The following PLK2 variants were observed in gnomAD, a reference collection of about 807,000 sequenced individuals.
PLK2 encodes polo like kinase 2, also known as serine/threonine-protein kinase PLK2.
In PLK2, 25 loss-of-function variants were observed where a neutral mutation model predicts 78.1. That is an observed-to-expected ratio of 0.32 (90% CI 0.23 to 0.45). The LOEUF is 0.45. PLK2 is among the 20% of genes least tolerant of loss of function. The pLI is 1.00. For synonymous variants in PLK2, 332 were observed against 298.2 expected (o/e 1.11, Z -1.17); for missense variants, 566 against 840.2 (o/e 0.67, Z 4.04).
Position 58,460,059 on chromosome 5 carries a change from A to T in PLK2, c.-100T>A. The stretch of plus-strand genomic sequence containing the variant: ...CGCACCCTTGCCTCTGGTGCCGACT[A>T]GCACCCAACACCCCGGTCCACTTGT... On this transcript the variant is annotated 5_prime_UTR_variant, in exon 1 of 14. Transcript: ENST00000274289. 7.4e-7 allele frequency: 1 copy of T among 1,347,112 alleles called. No individual in the cohort carries two copies. The highest frequency in any genetic ancestry group is 1.0e-6 in the Non-Finnish European group (1 of 994,152). The allele number at this position is 1,347,112 out of a possible 1,614,324, so 83.4% of individuals were successfully genotyped here.
rs1215545695 is a variant in PLK2 at position 58,455,243 on chromosome 5, C to G, written c.1755+42G>C. ...TGATGCAGACACTACTGCTTTGTGG[C>G]CTACACTTCAAATGTCACCACTCTA... On this transcript the variant is annotated intron_variant, in intron 12 of 13. Coordinates refer to ENST00000274289, the MANE Select transcript of PLK2 (RefSeq NM_006622.4). 3.7e-6 allele frequency: 6 copies of G among 1,606,784 alleles called. No homozygotes were observed. The Admixed American group carries it at 8.4e-5, about 22-fold the overall frequency.
chr5:58,456,384 A>C (rs771204708), intron 9 of PLK2, 108 bp downstream of exon 9: 6 of 850,816 alleles, frequency 7.1e-6, no homozygotes, highest in Non-Finnish European at 1.1e-5. Context: ...AAAAACTTTA[A>C]GTAAATATGA....
Position 58,454,985 on chromosome 5 carries a change from G to A in PLK2, c.1792C>T (p.Pro598Ser). The A allele has an allele frequency of 1.2e-6, 2 of 1,612,420 alleles. No homozygotes were observed. The highest frequency in any genetic ancestry group is 1.7e-6 in the Non-Finnish European group (2 of 1,178,470). The part of the protein sequence containing the change: ...DLPSVTDIRR[P>S]RLYLLQWLKS... ...AGCCACTGAAGGAGGTAGAGCCGAG[G>A]TCTTCGAATATCAGTAACACTAGGC... is the stretch of plus-strand genomic sequence containing the variant. The change falls in exon 13 of 14, where the codon CCT becomes TCT. Residue 598 changes from proline (P) to serine (S), a missense_variant. Pro to Ser is a moderately conservative substitution (Grantham distance 74). Around this residue, in one of 5 missense-constraint regions of PLK2, gnomAD observed 130 missense variants for 196.4 expected, o/e 0.66. Transcript: ENST00000274289.
chr5:58,460,062 A>G lies in PLK2; in HGVS notation c.-103T>C. Reference sequence around the variant, plus strand: ...ACCCTTGCCTCTGGTGCCGACTAGCACCCAACACCCCGGTCCACTTGTGCG... The same window carrying G: ...ACCCTTGCCTCTGGTGCCGACTAGCGCCCAACACCCCGGTCCACTTGTGCG... On this transcript the variant is annotated 5_prime_UTR_variant, in exon 1 of 14. Transcript: ENST00000274289. The G allele has an allele frequency of 3.0e-6, 4 of 1,330,996 alleles. No homozygotes were observed. Among genetic ancestry groups the G allele is most frequent in the Non-Finnish European group, 4.1e-6 (4 of 981,688 alleles). The allele number at this position is 1,330,996 out of a possible 1,614,324, so 82.4% of individuals were successfully genotyped here.
Position 58,459,022 on chromosome 5 carries a change from G to T in PLK2, c.341C>A (p.Pro114His). The T allele has an allele frequency of 6.2e-7, 1 of 1,610,428 alleles. No homozygotes were observed. Among genetic ancestry groups the T allele is most frequent in the Non-Finnish European group, 8.5e-7 (1 of 1,176,718 alleles). The change falls in exon 2 of 14, where the codon CCT (proline) becomes CAT (histidine). Residue 114 changes from proline to histidine, a missense_variant. Around this residue, in one of 5 missense-constraint regions of PLK2, gnomAD observed 179 missense variants for 342.3 expected, o/e 0.52. Coordinates refer to ENST00000274289, the MANE Select transcript of PLK2 (RefSeq NM_006622.4). Reference protein sequence around the residue: ...NNKVYAAKIIPHSRVAKPHQR... With the variant: ...NNKVYAAKIIHHSRVAKPHQR... Reference sequence around the variant, plus strand: ...ATGAGGTTTAGCTACTCTGCTGTGAGGAATAATTTTTGCGGCGTAGACTTT... The same window carrying T: ...ATGAGGTTTAGCTACTCTGCTGTGATGAATAATTTTTGCGGCGTAGACTTT...
Position 58,458,452 on chromosome 5 carries a change from G to A in PLK2, c.572C>T (p.Ser191Phe), listed in dbSNP as rs1466017282. 6.2e-7 allele frequency: 1 copy of A among 1,613,224 alleles called. No individual in the cohort carries two copies. The highest frequency in any genetic ancestry group is 1.7e-5 in the Admixed American group (1 of 60,024). The change falls in exon 4 of 14, where the codon TCT becomes TTT. Residue 191 changes from serine to phenylalanine, a missense_variant. Around this residue, in one of 5 missense-constraint regions of PLK2, gnomAD observed 179 missense variants for 342.3 expected, o/e 0.52. Coordinates refer to ENST00000274289, the MANE Select transcript of PLK2 (RefSeq NM_006622.4). Reference sequence around the variant, plus strand: ...TTGTTCATGAAGGTATTTCAGTCCAGACACAATCTGCCTGAGGTAGTATCG... The same window carrying A: ...TTGTTCATGAAGGTATTTCAGTCCAAACACAATCTGCCTGAGGTAGTATCG... Reference protein sequence around the residue: ...EVRYYLRQIVSGLKYLHEQEI... With the variant: ...EVRYYLRQIVFGLKYLHEQEI...
In PLK2 at chr5:58,454,720, A is replaced by G. The variant is rs745583854; in HGVS notation, c.1921T>C (p.Tyr641His). Residue 641 changes from tyrosine to histidine, a missense_variant, in exon 14 of 14, where the codon TAC becomes CAC. Coordinates refer to ENST00000274289, the MANE Select transcript of PLK2 (RefSeq NM_006622.4). ...KIIICSQNEEYLLTYINEDRI... is the reference protein window; with the variant it reads ...KIIICSQNEEHLLTYINEDRI... ...TCCTCATTGATGTAGGTGAGAAGGTATTCTTCATTTTGGCTACAGATGATG... is the reference window on the plus strand; with the variant it reads ...TCCTCATTGATGTAGGTGAGAAGGTGTTCTTCATTTTGGCTACAGATGATG... 7.4e-6 allele frequency: 12 copies of G among 1,613,112 alleles called. No homozygotes were observed. The East Asian group carries it at 2.7e-4, about 36-fold the overall frequency.
Position 58,456,127 on chromosome 5 carries a change from G to C in PLK2, c.1283C>G (p.Ala428Gly), listed in dbSNP as rs1307100732. ...EELQPPTTTVARSGTPAVENK... is the reference protein window; with the variant it reads ...EELQPPTTTVGRSGTPAVENK... ...TTCTACTGCGGGTGTTCCAGACCTG[G>C]CAACTGTGGTGGTAGGTGGCTGGAG... Residue 428 changes from alanine to glycine, a missense_variant, in exon 10 of 14, where the codon GCC (alanine) becomes GGC (glycine). Physicochemically the swap from Ala to Gly is moderately conservative, Grantham distance 60 (BLOSUM62 0). Around this residue, in one of 5 missense-constraint regions of PLK2, gnomAD observed 129 missense variants for 156.0 expected, o/e 0.83. Coordinates refer to ENST00000274289, the MANE Select transcript of PLK2 (RefSeq NM_006622.4). 1.2e-6 allele frequency: 2 copies of C among 1,613,666 alleles called. No individual in the cohort carries two copies. The highest frequency in any genetic ancestry group is 1.7e-6 in the Non-Finnish European group (2 of 1,179,844).
intron 1 of PLK2, 47 bp downstream of exon 1, chr5:58,459,643 G>A (rs1488571872): frequency 1.3e-6 from 2 of 1,494,328 alleles, no homozygotes; most frequent in African/African-American, 2.8e-5. Context: ...GGGTCGCCCG[G>A]ACAGACCTCC....
In PLK2 at chr5:58,454,510, A is replaced by T. The variant is rs1173179177; in HGVS notation, c.*73T>A. 8 of 1,036,704 alleles carry T rather than the reference A, an allele frequency of 7.7e-6. No homozygotes were observed. The highest frequency in any genetic ancestry group is 1.6e-5 in the African/African-American group (1 of 62,472). 64.2% of individuals were successfully genotyped at this position (1,036,704 alleles called of 1,614,324 possible). A position where few individuals can be genotyped will look rare whatever the true frequency, so the allele number is the denominator to read the frequency against. ...GTCCATCTTCTTCAACATACTCTAGATCATTCTTTTGGCTTCCCTGTAGAT... is the reference window on the plus strand; with the variant it reads ...GTCCATCTTCTTCAACATACTCTAGTTCATTCTTTTGGCTTCCCTGTAGAT... On this transcript the variant is annotated 3_prime_UTR_variant, in exon 14 of 14. Coordinates refer to ENST00000274289, the MANE Select transcript of PLK2 (RefSeq NM_006622.4).
Position 58,459,865 on chromosome 5 carries a change from T to A in PLK2, c.95A>T (p.Lys32Met). ...CTCGGGGGGCTGCGGCGGCCGCTTC[T>A]TCTTCGAGTCCGCTCCGCAACCCTT... Reference protein sequence around the residue: ...LGKGCGADSKKKRPPQPPEES... With the variant: ...LGKGCGADSKMKRPPQPPEES... The change falls in exon 1 of 14, where the codon AAG (lysine) becomes ATG (methionine). Residue 32 changes from lysine (K) to methionine (M), a missense_variant. Physicochemically the swap from Lys to Met is moderately conservative, Grantham distance 95. This residue lies in a region of PLK2 where 127 missense variants were observed against 122.5 expected (regional missense o/e 1.04). Transcript: ENST00000274289. 6.2e-7 allele frequency: 1 copy of A among 1,611,376 alleles called. No homozygotes were observed. Among genetic ancestry groups the A allele is most frequent in the Non-Finnish European group, 8.5e-7 (1 of 1,179,754 alleles).
At position 58,459,773 on chromosome 5, in the gene PLK2, A is replaced by G. The variant is rs1431345743; in HGVS notation, c.187T>C (p.Ser63Pro). Reference protein sequence around the residue: ...PAAPHHHHHHSHSGPEISRII... With the variant: ...PAAPHHHHHHPHSGPEISRII... Reference sequence around the variant, plus strand: ...CGCGAGATCTCCGGCCCCGAGTGCGAATGGTGGTGATGGTGGTGAGGGGCC... The same window carrying G: ...CGCGAGATCTCCGGCCCCGAGTGCGGATGGTGGTGATGGTGGTGAGGGGCC... Residue 63 changes from serine to proline, a missense_variant, in exon 1 of 14, where the codon TCG becomes CCG. This residue lies in a region of PLK2 where 127 missense variants were observed against 122.5 expected (regional missense o/e 1.04). Coordinates refer to ENST00000274289, the MANE Select transcript of PLK2 (RefSeq NM_006622.4). 1.9e-6 allele frequency: 3 copies of G among 1,607,676 alleles called. No individual in the cohort carries two copies. The African/African-American group carries it at 4.0e-5, about 21-fold the overall frequency.
intron 1 of PLK2, 23 bp downstream of exon 1, chr5:58,459,667 G>T: frequency 6.5e-7 from 1 of 1,533,404 alleles, no homozygotes; most frequent in Non-Finnish European, 8.8e-7. Context: ...CCGCCCGGCA[G>T]CCCGGCGCCC....
intron 1 of PLK2, 138 bp downstream of exon 1, chr5:58,459,552 G>A: frequency 2.8e-6 from 2 of 715,600 alleles, no homozygotes; most frequent in Non-Finnish European, 2.2e-6. Flanking sequence ...GGGCAGGTGA[G>A]GAGCCCACCT....
In PLK2 at chr5:58,459,919, C is replaced by G. The variant is rs1404394734; in HGVS notation, c.41G>C (p.Ser14Thr). 8 of 1,611,470 alleles carry G rather than the reference C, an allele frequency of 5.0e-6. No homozygotes were observed. Among genetic ancestry groups the G allele is most frequent in the Non-Finnish European group, 6.8e-6 (8 of 1,179,438 alleles). The stretch of plus-strand genomic sequence containing the variant: ...CAGCGCCTGCTCGCACATTTTGGTG[C>G]TGGCGGCTGGCTGGTAGGTGATAGT... ...LRTITYQPAA[S>T]TKMCEQALGK... Residue 14 changes from serine to threonine, a missense_variant, in exon 1 of 14, where the codon AGC becomes ACC. Physicochemically the swap from Ser to Thr is moderately conservative, Grantham distance 58 (BLOSUM62 1). This residue lies in a region of PLK2 where 127 missense variants were observed against 122.5 expected (regional missense o/e 1.04). Coordinates refer to ENST00000274289, the MANE Select transcript of PLK2 (RefSeq NM_006622.4).
chr5:58,458,554 G>C, intron 3 of PLK2, 26 bp from the exon 4 acceptor site: 1 of 1,594,346 alleles, frequency 6.3e-7, no homozygotes, highest in Non-Finnish European at 8.5e-7. Flanking sequence ...GGAAAAAAGA[G>C]AATCTGTCAA....
intron 10 of PLK2, 98 bp downstream of exon 10, chr5:58,455,928 G>A: frequency 2.7e-6 from 4 of 1,479,710 alleles, no homozygotes; most frequent in Non-Finnish European, 3.7e-6. Context: ...CTACTTCTAT[G>A]TTAAATTAAG....
chr5:58,457,981 T>A (rs558010994), intron 5 of PLK2, 103 bp downstream of exon 5: 54 of 785,078 alleles, frequency 6.9e-5, no homozygotes, highest in South Asian at 6.8e-4. Flanking sequence ...TTGCTATGAT[T>A]TATAGATTTT....
intron 2 of PLK2, 40 bp from the exon 3 acceptor site, chr5:58,458,881 C>T (rs371802408): frequency 1.7e-5 from 23 of 1,382,338 alleles, no homozygotes; most frequent in Non-Finnish European, 2.3e-5. Flanking sequence ...AGCTTCCAGT[C>T]ACCTCGGAAA....
Sources: allele counts gnomAD v4.1 joint callset, GRCh38; gene constraint gnomAD v4.1.1; regional missense constraint gnomAD v4.1.1; transcripts MANE v1.5; gene names NCBI Gene and HGNC (gene_info 2026-07-23, HGNC 2026-07-21).